FBXW11: variants seen among roughly 807,000 people sequenced by gnomAD.
FBXW11 encodes the protein F-box and WD repeat domain containing 11, also known as F-box/WD repeat-containing protein 11.
A neutral mutation model predicts 77.6 loss-of-function variants in FBXW11; 19 were observed. The ratio of observed to expected loss-of-function variants is 0.24; its 90% CI spans 0.17 to 0.36. The LOEUF is 0.36. FBXW11 is among the 10% of genes least tolerant of loss of function. FBXW11 has a pLI of 1.00. For synonymous variants in FBXW11, 235 were observed against 249.4 expected (o/e 0.94, Z 0.54); for missense variants, 334 against 704.2 (o/e 0.47, Z 5.95).
chr5:171,987,862 CTT>C (rs1765530176), intron 1 of FBXW11, among the ~76,000 whole-genome samples: 1 of 152,130 alleles, frequency 6.6e-6, no homozygotes, highest in African/African-American at 2.4e-5. Context: ...CTATGGTATA[CTT>C]TTTTATGTAA....
chr5:171,915,209 G>C (rs1761148066), intron 2 of FBXW11, among the ~76,000 whole-genome samples: 1 of 152,198 alleles, frequency 6.6e-6, no homozygotes, highest in Non-Finnish European at 1.5e-5. Flanking sequence ...ATGGATAGCA[G>C]TCTCTCTAAA....
chr5:171,887,035 A>G (rs759150526), intron 7 of FBXW11, among the ~76,000 whole-genome samples: 1 of 152,170 alleles, frequency 6.6e-6, no homozygotes, highest in Non-Finnish European at 1.5e-5. Context: ...TAAGAAAAAA[A>G]AAATTAAAAA....
In FBXW11 at chr5:171,967,463, C is replaced by G. The variant is rs370530049; in HGVS notation, c.46-9765G>C. 1.1e-4 allele frequency among the ~76,000 whole-genome samples: 16 copies of G among 152,198 alleles called. No individual in the cohort carries two copies. The South Asian group carries it at 2.7e-3, about 26-fold the overall frequency. On this transcript the variant is annotated intron_variant, in intron 1 of 13. Coordinates refer to ENST00000517395, the MANE Select transcript of FBXW11 (RefSeq NM_001378974.1). ...TGCATAGAAAGAAAGTTACAATACA[C>G]GGAAAGAATTCAAGAAACACTAAGT...
intron 2 of FBXW11, among the ~76,000 whole-genome samples, chr5:171,955,579 C>G (rs921918653): frequency 6.6e-6 from 1 of 152,076 alleles, no homozygotes; most frequent in Admixed American, 6.5e-5. Flanking sequence ...TAAATGAGTA[C>G]AGAGGAAGGA....
rs1758149956 is a variant in FBXW11, at chr5:171,877,248, T to C, written c.972-714A>G. On this transcript the variant is annotated intron_variant, in intron 8 of 13. Coordinates refer to ENST00000517395, the MANE Select transcript of FBXW11 (RefSeq NM_001378974.1). ...AGATGATTCCTCTAGATAGTAGATT[T>C]TGTATTGAGTCTGAGATGACAGGAA... 2.0e-5 allele frequency among the ~76,000 whole-genome samples: 3 copies of C among 152,106 alleles called. No homozygotes were observed. In the South Asian group the frequency reaches 6.2e-4, roughly 32 times the overall value.
At chr5:171,991,803 T>C (rs912135361) in intron 1 of FBXW11, among the ~76,000 whole-genome samples, 4 of 152,090 alleles carry the variant, frequency 2.6e-5, no homozygotes, top group African/African-American at 7.2e-5. Flanking sequence ...TGTAACAAAA[T>C]TCTCAGGTCA....
intron 1 of FBXW11, among the ~76,000 whole-genome samples, chr5:171,997,774 C>T (rs1175319698): frequency 6.6e-6 from 1 of 152,172 alleles, no homozygotes. Flanking sequence ...TCAAATTAGA[C>T]TGCAAATTCT....
intron 8 of FBXW11, among the ~76,000 whole-genome samples, 194 bp downstream of exon 8, chr5:171,877,817 A>C (rs1404601452): frequency 6.6e-6 from 1 of 152,242 alleles, no homozygotes; most frequent in African/African-American, 2.4e-5. Flanking sequence ...AATGAACAGC[A>C]ATAGGAATAG....
chr5:171,970,699 T>C (rs942445089), intron 1 of FBXW11, among the ~76,000 whole-genome samples: 4 of 152,206 alleles, frequency 2.6e-5, no homozygotes, highest in African/African-American at 9.6e-5. Context: ...TAATAAAAAT[T>C]TTGCTTCTTT....
chr5:171,888,808 G>C (rs1485482637), intron 7 of FBXW11, among the ~76,000 whole-genome samples: 3 of 152,168 alleles, frequency 2.0e-5, no homozygotes, highest in Non-Finnish European at 4.4e-5. Flanking sequence ...AGATAAACGT[G>C]CTTGAGGTAA....
chr5:171,995,545 A>G (rs1453379240), intron 1 of FBXW11, among the ~76,000 whole-genome samples: 1 of 152,098 alleles, frequency 6.6e-6, no homozygotes, highest in Non-Finnish European at 1.5e-5. Context: ...CAAGGTCAGG[A>G]GATCGAGACC....
At chr5:171,981,349 G>T (rs1253532174) in intron 1 of FBXW11, among the ~76,000 whole-genome samples, 2 of 152,122 alleles carry the variant, frequency 1.3e-5, no homozygotes, top group Non-Finnish European at 2.9e-5. Context: ...ACCAATAAAT[G>T]TAAGTAAAGT....
intron 6 of FBXW11, among the ~76,000 whole-genome samples, chr5:171,898,684 A>T (rs1461867187): frequency 6.6e-6 from 1 of 152,174 alleles, no homozygotes; most frequent in Non-Finnish European, 1.5e-5. Context: ...ATGCTTACTT[A>T]AAAAAACGGG....
intron 4 of FBXW11, among the ~76,000 whole-genome samples, chr5:171,907,887 G>GA (rs1760632076): frequency 6.6e-6 from 1 of 152,316 alleles, no homozygotes; most frequent in East Asian, 1.9e-4. Context: ...ACTATACTCT[G>GA]AAAAATCAAG....
At chr5:171,907,314 C>T (rs1047319550) in intron 4 of FBXW11, among the ~76,000 whole-genome samples, 5 of 152,092 alleles carry the variant, frequency 3.3e-5, no homozygotes, top group African/African-American at 9.7e-5. Flanking sequence ...CAAATGAAGT[C>T]GTAAGTTGAC....
rs1046905181 is a variant in FBXW11, at chr5:171,863,168, T to C, written c.*959A>G. The C allele has an allele frequency of 2.0e-5, 3 of 152,540 alleles. No homozygotes were observed. Among genetic ancestry groups the C allele is most frequent in the Non-Finnish European group, 2.9e-5 (2 of 68,010 alleles). The allele number at this position is 152,540 out of a possible 1,614,324, so 9.4% of individuals were successfully genotyped here. A position where few individuals can be genotyped will look rare whatever the true frequency, so the allele number is the denominator to read the frequency against. ...ACACACACAAACCACACACACGCAA[T>C]GACAACAACAAAATAAAAACACTGT... On this transcript the variant is annotated 3_prime_UTR_variant, in exon 14 of 14. Transcript: ENST00000517395.
At chr5:171,951,257 G>A (rs1022583430) in intron 2 of FBXW11, among the ~76,000 whole-genome samples, 4 of 151,940 alleles carry the variant, frequency 2.6e-5, no homozygotes, top group Non-Finnish European at 4.4e-5. Flanking sequence ...ACTAGCCACC[G>A]GGATCAGTGG....
intron 2 of FBXW11, among the ~76,000 whole-genome samples, chr5:171,951,801 A>G (rs771560352): frequency 6.6e-6 from 1 of 152,134 alleles, no homozygotes; most frequent in Non-Finnish European, 1.5e-5. Flanking sequence ...GCTTGTTTAA[A>G]AATTTTTTAA....
At chr5:171,996,865 A>C in intron 1 of FBXW11, 1 of 1,241,974 alleles carries the variant, frequency 8.1e-7, no homozygotes, top group Non-Finnish European at 1.0e-6. Flanking sequence ...TCCACAAAAC[A>C]AAACAATACA....
Sources: gnomAD v4.1 joint callset for allele counts (sites outside exome capture counted in the v4.1 genomes callset) on GRCh38, gnomAD v4.1.1 for gene constraint, MANE v1.5 for transcripts, NCBI Gene and HGNC (gene_info 2026-07-23, HGNC 2026-07-21) for gene names.